The following MGAT5 variants were observed in gnomAD, a reference collection of about 807,000 sequenced individuals.
MGAT5 encodes the protein alpha-1,6-mannosylglycoprotein 6-beta-N-acetylglucosaminyltransferase, also known as alpha-1,6-mannosylglycoprotein 6-beta-N-acetylglucosaminyltransferase A.
A neutral mutation model predicts 94.3 loss-of-function variants in MGAT5; 30 were observed. The observed-to-expected ratio is 0.32, with a 90% CI of 0.24 to 0.43. The LOEUF is 0.43. Among genes scored for constraint, MGAT5 ranks in the 20% least tolerant of loss-of-function variants. The probability of loss-of-function intolerance (pLI) is 1.00; values close to 1 mark genes in which losing one functional copy is unlikely to be tolerated. For synonymous variants in MGAT5, 310 were observed against 322.9 expected (o/e 0.96, Z 0.43); for missense variants, 691 against 905.5 (o/e 0.76, Z 3.04).
chr2:134,325,948 G>C (rs916092853), intron 4 of MGAT5, among the ~76,000 whole-genome samples: 1 of 151,886 alleles, frequency 6.6e-6, no homozygotes, highest in African/African-American at 2.4e-5. Context: ...GGTTTGATCA[G>C]AATAGTGCCT....
intron 1 of MGAT5, among the ~76,000 whole-genome samples, chr2:134,214,737 TTA>T (rs1680380102): frequency 6.6e-6 from 1 of 152,162 alleles, no homozygotes; most frequent in East Asian, 1.9e-4. Flanking sequence ...GAACAAATAT[TTA>T]TGTCGCAACC....
intron 1 of MGAT5, among the ~76,000 whole-genome samples, chr2:134,238,379 C>A (rs1189076701): frequency 6.6e-6 from 1 of 152,158 alleles, no homozygotes; most frequent in Non-Finnish European, 1.5e-5. Flanking sequence ...GATCATCTTA[C>A]CTTCATAGAG....
chr2:134,373,419 A>G (rs191228583), intron 10 of MGAT5, among the ~76,000 whole-genome samples: 4 of 152,342 alleles, frequency 2.6e-5, no homozygotes, highest in African/African-American at 7.2e-5. Context: ...CAGAACTGTA[A>G]TGCCTCTGAA....
intron 14 of MGAT5, among the ~76,000 whole-genome samples, chr2:134,431,188 C>T (rs1459066268): frequency 3.9e-5 from 6 of 152,210 alleles, no homozygotes; most frequent in Non-Finnish European, 7.4e-5. Flanking sequence ...TGTGAAAAGA[C>T]GCTGAGGCTC....
At chr2:134,387,326 ATATATATTTTTT>A (rs1343292254) in intron 10 of MGAT5, among the ~76,000 whole-genome samples, 2 of 36,746 alleles carry the variant, frequency 5.4e-5, no homozygotes, top group African/African-American at 2.8e-4. Flanking sequence ...ATATATATAT[ATATATATTTTTT>A]TTTTTTTTTT....
At chr2:134,319,202 T>G (rs1389768483) in intron 4 of MGAT5, among the ~76,000 whole-genome samples, 3 of 152,186 alleles carry the variant, frequency 2.0e-5, no homozygotes. Context: ...ATGGATCATA[T>G]GGTAACTGTA....
intron 2 of MGAT5, among the ~76,000 whole-genome samples, chr2:134,308,681 T>C (rs1288398123): frequency 2.0e-5 from 3 of 152,196 alleles, no homozygotes; most frequent in Non-Finnish European, 4.4e-5. Flanking sequence ...CTGGTTTTTG[T>C]AACAGCTTTA....
At chr2:134,328,706 G>T (rs1011145668) in intron 4 of MGAT5, among the ~76,000 whole-genome samples, 1 of 152,124 alleles carries the variant, frequency 6.6e-6, no homozygotes, top group Admixed American at 6.6e-5. Context: ...TGAGGTTTCT[G>T]TCCTCAAGGA....
rs1553490381 is a variant in MGAT5, at chr2:134,189,602, G to GTTTTTTTTTTTTGTT, written c.-142-64648_-142-64647insGTTTTTTTTTTTTTT. ...AACCTCATGGCTCTAGTTTTTTTTTGTTTTTTTTTTTTTTTTTTAAGACAG... is the reference window on the plus strand; with the variant it reads ...AACCTCATGGCTCTAGTTTTTTTTTGTTTTTTTTTTTTGTTTTTTTTTTTTTTTTTTTTAAGACAG... On this transcript the variant is annotated intron_variant, in intron 1 of 16. Transcript: ENST00000409645. 1.4e-4 allele frequency among the ~76,000 whole-genome samples: 12 copies of GTTTTTTTTTTTTGTT among 84,650 alleles called. No individual in the cohort carries two copies. The East Asian group carries it at 3.9e-3, about 28-fold the overall frequency. The allele number at this position is 84,650 out of a possible 152,430, so 55.5% of individuals were successfully genotyped here. A position where few individuals can be genotyped will look rare whatever the true frequency, so the allele number is the denominator to read the frequency against.
intron 10 of MGAT5, among the ~76,000 whole-genome samples, chr2:134,376,710 T>C (rs1444429423): frequency 6.6e-6 from 1 of 152,218 alleles, no homozygotes; most frequent in Non-Finnish European, 1.5e-5. Flanking sequence ...CAGCTGAAAC[T>C]AGCAGGCCAA....
upstream of MGAT5, chr2:134,120,090 C>T (rs1013241044): frequency 2.0e-5 from 3 of 153,116 alleles, no homozygotes; most frequent in Admixed American, 1.3e-4. Flanking sequence ...GCGCGCGGCC[C>T]CGCCAGGGCT....
At chr2:134,229,336 A>G (rs1681228513) in intron 1 of MGAT5, among the ~76,000 whole-genome samples, 1 of 152,222 alleles carries the variant, frequency 6.6e-6, no homozygotes, top group Admixed American at 6.5e-5. Flanking sequence ...TGCCCAGTAG[A>G]GGTATTATTG....
At chr2:134,372,606 T>C (rs1189715456) in intron 10 of MGAT5, among the ~76,000 whole-genome samples, 4 of 152,272 alleles carry the variant, frequency 2.6e-5, no homozygotes, top group South Asian at 4.1e-4. Flanking sequence ...ACCTTTACAC[T>C]GTAGAGCTAG....
chr2:134,263,655 C>T (rs1234890863), intron 1 of MGAT5, among the ~76,000 whole-genome samples: 1 of 152,134 alleles, frequency 6.6e-6, no homozygotes, highest in African/African-American at 2.4e-5. Context: ...GTAAGGGTCA[C>T]TAAGATGTTT....
At chr2:134,146,734 C>T (rs1402663448) in intron 1 of MGAT5, among the ~76,000 whole-genome samples, 1 of 152,110 alleles carries the variant, frequency 6.6e-6, no homozygotes, top group Non-Finnish European at 1.5e-5. Context: ...TCGCTGGGTA[C>T]CGGCATTGGC....
chr2:134,416,314 TA>T (rs1683962657), intron 12 of MGAT5, among the ~76,000 whole-genome samples: 1 of 152,168 alleles, frequency 6.6e-6, no homozygotes, highest in Admixed American at 6.5e-5. Flanking sequence ...CAACCCCTGG[TA>T]AACCTCTCTT....
chr2:134,355,331 A>C (rs1679666082), intron 9 of MGAT5, among the ~76,000 whole-genome samples: 1 of 148,132 alleles, frequency 6.8e-6, no homozygotes, highest in African/African-American at 2.5e-5. Context: ...TTTTCCACTT[A>C]ATATATCATC....
intron 1 of MGAT5, among the ~76,000 whole-genome samples, chr2:134,175,517 G>T (rs1688419606): frequency 6.6e-6 from 1 of 152,098 alleles, no homozygotes; most frequent in Admixed American, 6.5e-5. Context: ...TTGTTGTTAG[G>T]TCACTGCCAT....
intron 1 of MGAT5, among the ~76,000 whole-genome samples, chr2:134,179,411 G>C (rs765536385): frequency 2.0e-5 from 3 of 152,180 alleles, no homozygotes; most frequent in Non-Finnish European, 4.4e-5. Context: ...CATCAACTAT[G>C]CATTGATCAG....
Sources: gnomAD v4.1 joint callset for allele counts (sites outside exome capture counted in the v4.1 genomes callset) on GRCh38, gnomAD v4.1.1 for gene constraint, MANE v1.5 for transcripts, NCBI Gene and HGNC (gene_info 2026-07-23, HGNC 2026-07-21) for gene names.